The following SPAG16 variants were observed in gnomAD, a reference collection of about 807,000 sequenced individuals.
SPAG16 encodes the protein sperm associated antigen 16.
Under a neutral mutation model 80.4 loss-of-function variants are expected in SPAG16, and 86 were observed. The ratio of observed to expected loss-of-function variants is 1.07; its 90% confidence interval spans 0.90 to 1.28. The LOEUF is 1.28. Ranked by LOEUF, SPAG16 falls within the 50% of genes most tolerant of loss-of-function variation. SPAG16 has a pLI of 0.00. For missense variants in SPAG16, 870 were observed against 765.3 expected, an observed-to-expected ratio of 1.14 and a Z score of -1.61; for synonymous variants, 294 against 265.9, an observed-to-expected ratio of 1.11 and a Z score of -1.03.
intron 10 of SPAG16, among the ~76,000 whole-genome samples, chr2:213,504,502 T>C (rs2074880642): frequency 6.6e-6 from 1 of 151,974 alleles, no homozygotes; most frequent in Admixed American, 6.6e-5. Context: ...AGTTTAAAAA[T>C]AAAGACAACT....
chr2:213,678,479 T>C lies in SPAG16; in HGVS notation c.1071-184006T>C, dbSNP rs541843410. On this transcript the variant is annotated intron_variant, in intron 10 of 15. Coordinates refer to ENST00000331683, the MANE Select transcript of SPAG16 (RefSeq NM_024532.5). ...AGAAATACAAACTACCATCAGAGAA[T>C]ACTACAAACACCTCTACACAAATAA... is the stretch of plus-strand genomic sequence containing the variant. Among the ~76,000 whole-genome samples, 157 of 152,290 alleles carry C rather than the reference T, an allele frequency of 1.0e-3. 1 individual carries two copies. Among genetic ancestry groups the C allele is most frequent in the African/African-American group, 3.5e-3 (147 of 41,556 alleles).
At position 213,983,050 on chromosome 2, in the gene SPAG16, T is replaced by C. The variant is rs191832431; in HGVS notation, c.1401-30901T>C. On this transcript the variant is annotated intron_variant, in intron 12 of 15. Coordinates refer to ENST00000331683, the MANE Select transcript of SPAG16 (RefSeq NM_024532.5). ...ACATTGTCTTCCATATATTCAATAC[T>C]TTTGGGAGCAATGCTGTGGAATGTA... Among the ~76,000 whole-genome samples, 352 of 152,096 alleles carry C rather than the reference T, an allele frequency of 2.3e-3. 10 individuals are homozygous for C. Among genetic ancestry groups the C allele is most frequent in the Admixed American group, 0.02 (310 of 15,242 alleles).
At chr2:214,389,761 A>G (rs765666748) in intron 15 of SPAG16, among the ~76,000 whole-genome samples, 7 of 152,240 alleles carry the variant, frequency 4.6e-5, no homozygotes, top group Non-Finnish European at 8.8e-5. Context: ...TTTACTAAAT[A>G]TTACAAAAAT....
chr2:214,334,201 C>T (rs1421105392), intron 15 of SPAG16, among the ~76,000 whole-genome samples: 4 of 152,206 alleles, frequency 2.6e-5, no homozygotes, highest in South Asian at 4.1e-4. Flanking sequence ...AGGTTGATCA[C>T]GCTCTGATTT....
intron 10 of SPAG16, among the ~76,000 whole-genome samples, chr2:213,693,767 T>A (rs2065042491): frequency 6.6e-6 from 1 of 152,188 alleles, no homozygotes; most frequent in African/African-American, 2.4e-5. Flanking sequence ...TGAAGTCAAG[T>A]AGTTGCTTTT....
intron 4 of SPAG16, among the ~76,000 whole-genome samples, chr2:213,313,917 G>A (rs2063303189): frequency 6.6e-6 from 1 of 151,886 alleles, no homozygotes; most frequent in African/African-American, 2.4e-5. Context: ...AAAACATGGA[G>A]GAAAAGTTCT....
At chr2:214,246,123 A>G (rs1421216013) in intron 15 of SPAG16, among the ~76,000 whole-genome samples, 1 of 152,076 alleles carries the variant, frequency 6.6e-6, no homozygotes, top group African/African-American at 2.4e-5. Context: ...ACCTGTTGAC[A>G]AACAAAAAAA....
At chr2:214,396,759 A>G (rs1358109919) in intron 15 of SPAG16, among the ~76,000 whole-genome samples, 1 of 152,066 alleles carries the variant, frequency 6.6e-6, no homozygotes, top group Non-Finnish European at 1.5e-5. Flanking sequence ...ATGTTCTTAT[A>G]TATTATTTTA....
At position 214,064,777 on chromosome 2, in the gene SPAG16, T is replaced by C. The variant is rs898026206; in HGVS notation, c.1528-43419T>C. On this transcript the variant is annotated intron_variant, in intron 13 of 15. Coordinates refer to ENST00000331683, the MANE Select transcript of SPAG16 (RefSeq NM_024532.5). ...CAGAATTCTGTAAATTCACTGAAGA[T>C]GTTTAAATACTCTGTGTGGTAATAC... 3.9e-5 allele frequency among the ~76,000 whole-genome samples: 6 copies of C among 152,210 alleles called. No homozygotes were observed. In the South Asian group the frequency reaches 1.2e-3, roughly 32 times the overall value.
chr2:213,939,186 A>G (rs2079104058), intron 12 of SPAG16, among the ~76,000 whole-genome samples: 1 of 152,184 alleles, frequency 6.6e-6, no homozygotes, highest in Non-Finnish European at 1.5e-5. Flanking sequence ...ATTACTAAAA[A>G]TCACTACTAC....
intron 14 of SPAG16, among the ~76,000 whole-genome samples, chr2:214,132,926 C>G (rs1268917305): frequency 6.6e-6 from 1 of 151,872 alleles, no homozygotes; most frequent in East Asian, 1.9e-4. Flanking sequence ...AACCCCGTCT[C>G]TACTAAAAAT....
intron 15 of SPAG16, among the ~76,000 whole-genome samples, chr2:214,285,162 A>G (rs532910909): frequency 6.6e-6 from 1 of 152,228 alleles, no homozygotes; most frequent in East Asian, 1.9e-4. Context: ...ATAATAGACA[A>G]TTTAACAGGT....
At chr2:213,631,557 A>C (rs965162647) in intron 10 of SPAG16, among the ~76,000 whole-genome samples, 1 of 152,184 alleles carries the variant, frequency 6.6e-6, no homozygotes, top group African/African-American at 2.4e-5. Flanking sequence ...TGCTGTTCTC[A>C]TGATGGAGTT....
chr2:214,318,467 C>T lies in SPAG16; in HGVS notation c.1721-91673C>T, dbSNP rs189355205. Among the ~76,000 whole-genome samples the T allele has an allele frequency of 6.0e-5, 9 of 149,804 alleles. No homozygotes were observed. In the East Asian group the frequency reaches 7.9e-4, roughly 13 times the overall value. ...TGCGATCTCAGCTCGCTGCAACCTCCGCCTCCTGGATTCAAGCAATTCTCC... is the reference window on the plus strand; with the variant it reads ...TGCGATCTCAGCTCGCTGCAACCTCTGCCTCCTGGATTCAAGCAATTCTCC... On this transcript the variant is annotated intron_variant, in intron 15 of 15. Transcript: ENST00000331683.
Position 213,340,150 on chromosome 2 carries a change from ATT to A in SPAG16, c.537-5_537-4del. The A allele has an allele frequency of 6.6e-7, 1 of 1,509,364 alleles. No individual in the cohort carries two copies. The highest frequency in any genetic ancestry group is 2.3e-5 in the East Asian group (1 of 43,150). 93.5% of individuals were successfully genotyped at this position (1,509,364 alleles called of 1,614,324 possible). ...ATTAGCAGTGATTTATAAAGTTACT[ATT>A]TTTTTTTCAGCAAAGCTAGAGAAGA... is the stretch of plus-strand genomic sequence containing the variant. On this transcript the variant is annotated splice_polypyrimidine_tract_variant and intron_variant, in intron 5 of 15. Transcript: ENST00000331683.
At chr2:214,332,825 A>T (rs755222988) in intron 15 of SPAG16, among the ~76,000 whole-genome samples, 3 of 152,140 alleles carry the variant, frequency 2.0e-5, no homozygotes. Flanking sequence ...AGGAACTAAT[A>T]TAGGGGTTCT....
chr2:213,369,634 C>A (rs1386799234), intron 8 of SPAG16, among the ~76,000 whole-genome samples: 2 of 152,044 alleles, frequency 1.3e-5, no homozygotes, highest in African/African-American at 4.8e-5. Context: ...ACAGTATTCT[C>A]AGACATGACT....
At chr2:213,630,849 C>T (rs539250175) in intron 10 of SPAG16, among the ~76,000 whole-genome samples, 2 of 152,164 alleles carry the variant, frequency 1.3e-5, no homozygotes, top group African/African-American at 2.4e-5. Flanking sequence ...CAACGGTCTA[C>T]CTGGGACATA....
chr2:214,083,282 T>C (rs527248956), intron 13 of SPAG16, among the ~76,000 whole-genome samples: 1 of 152,274 alleles, frequency 6.6e-6, no homozygotes, highest in East Asian at 1.9e-4. Flanking sequence ...GTGTGATTGG[T>C]AATCATCTGA....
Sources: gnomAD v4.1 joint callset for allele counts (sites outside exome capture counted in the v4.1 genomes callset) on GRCh38, gnomAD v4.1.1 for gene constraint, MANE v1.5 for transcripts, NCBI Gene and HGNC (gene_info 2026-07-23, HGNC 2026-07-21) for gene names.